RPH3AL: variants seen among roughly 807,000 people sequenced by gnomAD.
RPH3AL encodes rab effector Noc2.
In RPH3AL, 38 loss-of-function variants were observed where a neutral mutation model predicts 43.1. The ratio of observed to expected loss-of-function variants is 0.88; its 90% CI spans 0.68 to 1.15. The LOEUF (loss-of-function observed/expected upper bound fraction) is 1.15, where lower values mean the gene tolerates loss of function less well. Among genes scored for constraint, RPH3AL ranks in the 50% most tolerant of loss-of-function variants. RPH3AL has a pLI of 0.00. For missense variants in RPH3AL, 462 were observed against 423.2 expected (o/e 1.09, Z -0.81); for synonymous variants, 189 against 176.3 (o/e 1.07, Z -0.57).
chr17:277,703 T>A (rs1239732992), intron 6 of RPH3AL, among the ~76,000 whole-genome samples: 1 of 152,120 alleles, frequency 6.6e-6, no homozygotes, highest in Non-Finnish European at 1.5e-5. Context: ...GCCTGTAATC[T>A]CAGCACGTTG....
At chr17:317,127 T>C (rs2044276433) in intron 5 of RPH3AL, among the ~76,000 whole-genome samples, 1 of 149,062 alleles carries the variant, frequency 6.7e-6, no homozygotes, top group South Asian at 2.1e-4. Context: ...CCACCTCCAC[T>C]GACGTGTAGT....
intron 7 of RPH3AL, among the ~76,000 whole-genome samples, chr17:236,319 C>T (rs557971901): frequency 6.6e-6 from 1 of 152,172 alleles, no homozygotes; most frequent in African/African-American, 2.4e-5. Flanking sequence ...ATCGAGGAAA[C>T]CTAAATGTCC....
intron 5 of RPH3AL, among the ~76,000 whole-genome samples, chr17:314,380 C>A (rs1320365231): frequency 7.2e-5 from 11 of 152,250 alleles, no homozygotes; most frequent in Non-Finnish European, 5.9e-5. Flanking sequence ...CCGAGTCCTG[C>A]AAGTTGGCCA....
intron 6 of RPH3AL, among the ~76,000 whole-genome samples, chr17:266,273 C>A (rs2042320871): frequency 6.6e-6 from 1 of 151,736 alleles, no homozygotes; most frequent in Non-Finnish European, 1.5e-5. Flanking sequence ...AGAAAGCCCC[C>A]ATCATCCCTG....
chr17:258,803 C>G (rs568396922), intron 6 of RPH3AL, among the ~76,000 whole-genome samples: 39 of 149,642 alleles, frequency 2.6e-4, no homozygotes, highest in Admixed American at 8.7e-4. Flanking sequence ...CTCTGTTGCC[C>G]AGGCTGGAGT....
chr17:236,638 G>A (rs537581819), intron 7 of RPH3AL, among the ~76,000 whole-genome samples: 1 of 152,348 alleles, frequency 6.6e-6, no homozygotes, highest in Admixed American at 6.5e-5. Context: ...AGTAGAAGCA[G>A]CTCAGCCGCC....
intron 5 of RPH3AL, among the ~76,000 whole-genome samples, chr17:314,169 A>G (rs2043749202): frequency 6.6e-6 from 1 of 152,154 alleles, no homozygotes; most frequent in Non-Finnish European, 1.5e-5. Flanking sequence ...TCTGCAGCAC[A>G]GGCCCTGGAC....
chr17:314,133 G>A (rs564188538), intron 5 of RPH3AL, among the ~76,000 whole-genome samples: 31 of 152,294 alleles, frequency 2.0e-4, no homozygotes, highest in South Asian at 4.1e-4. Flanking sequence ...TGTACTAACC[G>A]TTGCACAGCC....
rs1335253581 is a variant in RPH3AL, at chr17:288,483, C to CCT, written c.352-6631_352-6630dup. 7.1e-4 allele frequency among the ~76,000 whole-genome samples: 7 copies of CCT among 9,914 alleles called. 1 individual carries two copies. Among genetic ancestry groups the CCT allele is most frequent in the African/African-American group, 1.8e-3 (7 of 3,954 alleles). 6.5% of individuals were successfully genotyped at this position (9,914 alleles called of 152,430 possible). ...CTCTCTCCACCGTCAGACCTCACACCCTCTCTCCACCGTCAGACCTCGCAC... is the reference window on the plus strand; with the variant it reads ...CTCTCTCCACCGTCAGACCTCACACCCTCTCTCTCCACCGTCAGACCTCGCAC... On this transcript the variant is annotated intron_variant, in intron 5 of 9. Transcript: ENST00000331302.
Position 323,406 on chromosome 17 carries a change from C to G in RPH3AL, c.78-1991G>C, listed in dbSNP as rs2044533437. ...GGGCAGCCTCTGCCTGGACTACCTG[C>G]CTTGCTCCTATGAACTGCACACATG... On this transcript the variant is annotated intron_variant, in intron 3 of 9. Transcript: ENST00000331302. This position sits in a 1 kb window ranked among gnomAD's most constrained non-coding sequence, Gnocchi z 4.4. Among the ~76,000 whole-genome samples, 1 of 152,186 alleles carries G rather than the reference C, an allele frequency of 6.6e-6. No homozygotes were observed. The highest frequency in any genetic ancestry group is 2.1e-4 in the South Asian group (1 of 4,836).
chr17:343,943 T>TC (rs79391264), intron 1 of RPH3AL, among the ~76,000 whole-genome samples: 5 of 87,862 alleles, frequency 5.7e-5, no homozygotes, highest in Admixed American at 1.3e-4. Context: ...ATCATCATCA[T>TC]AATATTCACC....
intron 5 of RPH3AL, among the ~76,000 whole-genome samples, chr17:315,669 C>A (rs1297171045): frequency 1.1e-3 from 157 of 138,990 alleles, no homozygotes; most frequent in Middle Eastern, 3.9e-3. Context: ...CCTCCACTGA[C>A]CTGTAGTCCC....
At chr17:315,529 T>C (rs1598096139) in intron 5 of RPH3AL, among the ~76,000 whole-genome samples, 1 of 152,080 alleles carries the variant, frequency 6.6e-6, no homozygotes, top group Non-Finnish European at 1.5e-5. Flanking sequence ...CTGTAGTCCC[T>C]GTGCTCCCAC....
chr17:286,913 T>TCTCTCCCCACCGTCAGACCTCGCACC (rs2042927518), intron 5 of RPH3AL, among the ~76,000 whole-genome samples: 1 of 92,222 alleles, frequency 1.1e-5, no homozygotes, highest in South Asian at 3.5e-4. Context: ...CCTCGCACCC[T>TCTCTCCCCACCGTCAGACCTCGCACC]CTCTCTCCAC....
In RPH3AL at chr17:321,441, G is replaced by A. The variant is rs374209661; in HGVS notation, c.78-26C>T. 2.1e-5 allele frequency: 33 copies of A among 1,553,566 alleles called. No homozygotes were observed. In the East Asian group the frequency reaches 3.7e-4, roughly 17 times the overall value. On this transcript the variant is annotated intron_variant, in intron 3 of 9. Transcript: ENST00000331302. ...CTCGAGAGGGAACAGCACAGACGGC[G>A]TGGAGGCCTCCCCGGTGCAAACTCC...
chr17:215,560 C>T lies in RPH3AL; in HGVS notation c.876+94G>A, dbSNP rs7226358. 1,052,902 of 1,124,362 alleles carry T rather than the reference C, an allele frequency of 0.94. 493,433 individuals carry two copies. Among genetic ancestry groups the T allele is most frequent in the African/African-American group, 0.96 (60,054 of 62,292 alleles). The allele number at this position is 1,124,362 out of a possible 1,614,324, so 69.6% of individuals were successfully genotyped here. A position where few individuals can be genotyped will look rare whatever the true frequency, so the allele number is the denominator to read the frequency against. On this transcript the variant is annotated intron_variant, in intron 9 of 9. Coordinates refer to ENST00000331302, the MANE Select transcript of RPH3AL (RefSeq NM_006987.4). This position sits in a 1 kb window ranked among gnomAD's most constrained non-coding sequence, Gnocchi z 4.1. ...GGTAAACAACATGCAGAATTGAAAA[C>T]GTCACCGACCAGTCTCCAGTTTGGG...
rs73971707 is a variant in RPH3AL, at chr17:314,022, G to A, written c.351+5398C>T. Reference sequence around the variant, plus strand: ...AGAACCATCTGCAACAGAAACGCCCGGACCAGCCCACAGCTCCAGAGTAGC... The same window carrying A: ...AGAACCATCTGCAACAGAAACGCCCAGACCAGCCCACAGCTCCAGAGTAGC... On this transcript the variant is annotated intron_variant, in intron 5 of 9. Transcript: ENST00000331302. Among the ~76,000 whole-genome samples, 1,361 of 152,258 alleles carry A rather than the reference G, an allele frequency of 8.9e-3. 16 individuals are homozygous for A. The highest frequency in any genetic ancestry group is 0.031 in the African/African-American group (1,279 of 41,548).
rs2042605867 is a variant in RPH3AL at position 274,390 on chromosome 17, G to A, written c.438+7378C>T. ...GGCAGCAGCTGAAGCCGCCTGGGCA[G>A]CCTTCCTGGCACTTCAGGGCTGCCA... On this transcript the variant is annotated intron_variant, in intron 6 of 9. Transcript: ENST00000331302. This position sits in a 1 kb window ranked among gnomAD's most constrained non-coding sequence, Gnocchi z 4.7. 6.6e-6 allele frequency among the ~76,000 whole-genome samples: 1 copy of A among 152,226 alleles called. No individual in the cohort carries two copies. The highest frequency in any genetic ancestry group is 2.4e-5 in the African/African-American group (1 of 41,472).
chr17:347,040 C>T lies in RPH3AL; in HGVS notation c.-213+5672G>A, dbSNP rs544500334. On this transcript the variant is annotated intron_variant, in intron 1 of 9. Coordinates refer to ENST00000331302, the MANE Select transcript of RPH3AL (RefSeq NM_006987.4). Reference sequence around the variant, plus strand: ...TTGGGAGGCCGAGGCGGGAGGATCACGAGGTCAGGAGATCGAGACCATCCT... The same window carrying T: ...TTGGGAGGCCGAGGCGGGAGGATCATGAGGTCAGGAGATCGAGACCATCCT... Among the ~76,000 whole-genome samples the T allele has an allele frequency of 9.9e-4, 134 of 134,884 alleles. 15 individuals are homozygous for T. The highest frequency in any genetic ancestry group is 3.0e-3 in the African/African-American group (120 of 39,474). 88.5% of individuals were successfully genotyped at this position (134,884 alleles called of 152,430 possible).
Sources: gnomAD v4.1 joint callset for allele counts (sites outside exome capture counted in the v4.1 genomes callset) on GRCh38, gnomAD v4.1.1 for gene constraint, Gnocchi (gnomAD v3.1) non-coding constraint, MANE v1.5 for transcripts, NCBI Gene and HGNC (gene_info 2026-07-23, HGNC 2026-07-21) for gene names.